The following CCDC12 variants were observed in gnomAD, a reference collection of about 807,000 sequenced individuals.
CCDC12 encodes the protein coiled-coil domain containing 12.
CCDC12 carries 28 observed loss-of-function variants against 25.7 expected under a neutral mutation model. That is an observed-to-expected ratio of 1.09 (90% confidence interval 0.81 to 1.50). The LOEUF is 1.50. CCDC12 is among the 40% of genes most tolerant of loss of function. The pLI is 0.00. For missense variants in CCDC12, 198 were observed against 210.0 expected (o/e 0.94, Z 0.35); for synonymous variants, 75 against 87.7 (o/e 0.86, Z 0.81).
chr3:46,976,192 T>C lies in CCDC12; in HGVS notation c.96+445A>G, dbSNP rs1390127893. On this transcript the variant is annotated intron_variant, in intron 1 of 6. Transcript: ENST00000683445. Reference sequence around the variant, plus strand: ...ACGACTCCGGCTGTATACCCACTGCTGTCACTTGCTGCCCTGTCCAAGGAG... The same window carrying C: ...ACGACTCCGGCTGTATACCCACTGCCGTCACTTGCTGCCCTGTCCAAGGAG... 5 of 453,098 alleles carry C rather than the reference T, an allele frequency of 1.1e-5. No homozygotes were observed. The East Asian group carries it at 5.7e-4, about 51-fold the overall frequency. 28.1% of individuals were successfully genotyped at this position (453,098 alleles called of 1,614,324 possible).
At chr3:46,937,222 G>C (rs1323626818) in intron 2 of CCDC12, among the ~76,000 whole-genome samples, 1 of 152,162 alleles carries the variant, frequency 6.6e-6, no homozygotes, top group Non-Finnish European at 1.5e-5. Flanking sequence ...CCCAACAAGA[G>C]GCTATACCAC....
chr3:46,959,510 G>A (rs895095956), intron 1 of CCDC12, among the ~76,000 whole-genome samples: 2 of 152,154 alleles, frequency 1.3e-5, no homozygotes, highest in African/African-American at 2.4e-5. Flanking sequence ...CTCTCATCCC[G>A]TGACAAAGGG....
At chr3:46,946,917 G>C (rs971250853) in intron 1 of CCDC12, among the ~76,000 whole-genome samples, 1 of 152,144 alleles carries the variant, frequency 6.6e-6, no homozygotes, top group Admixed American at 6.6e-5. Flanking sequence ...CTGCTGACTA[G>C]AGCTCTCCCT....
chr3:46,976,429 G>A (rs1183088308), intron 1 of CCDC12: 4 of 1,414,128 alleles, frequency 2.8e-6, no homozygotes, highest in South Asian at 1.5e-5. Flanking sequence ...CCGCGCATGC[G>A]CGACGACCGC....
chr3:46,931,222 T>C (rs1359607337), intron 2 of CCDC12, among the ~76,000 whole-genome samples: 2 of 152,166 alleles, frequency 1.3e-5, no homozygotes, highest in Non-Finnish European at 1.5e-5. Context: ...TAGCTGACCT[T>C]TTCTATTTAC....
chr3:46,946,990 G>GAT (rs2033933084), intron 1 of CCDC12, among the ~76,000 whole-genome samples: 2 of 152,108 alleles, frequency 1.3e-5, no homozygotes, highest in African/African-American at 4.8e-5. Flanking sequence ...TCTCATCTAG[G>GAT]GTCTTCCCAC....
intron 1 of CCDC12, among the ~76,000 whole-genome samples, chr3:46,958,999 C>G (rs2034384050): frequency 6.6e-6 from 1 of 152,206 alleles, no homozygotes; most frequent in African/African-American, 2.4e-5. Context: ...AGACTAGAAG[C>G]TATTTTAACC....
At chr3:46,973,307 C>T (rs1427875259) in intron 1 of CCDC12, among the ~76,000 whole-genome samples, 2 of 146,972 alleles carry the variant, frequency 1.4e-5, no homozygotes, top group South Asian at 2.2e-4. Context: ...GAGCTGAGAT[C>T]GTGCCATCGC....
chr3:46,952,600 A>G (rs1466171308), intron 1 of CCDC12, among the ~76,000 whole-genome samples: 1 of 152,150 alleles, frequency 6.6e-6, no homozygotes, highest in Non-Finnish European at 1.5e-5. Context: ...GTTCCATAAA[A>G]TTGGAAGATT....
chr3:46,962,133 G>A (rs1023253612), intron 1 of CCDC12, among the ~76,000 whole-genome samples: 2 of 152,006 alleles, frequency 1.3e-5, no homozygotes, highest in Admixed American at 6.6e-5. Flanking sequence ...ACTACTATTC[G>A]CCAAAGAATT....
At chr3:46,940,060 C>T (rs2033637259) in intron 2 of CCDC12, among the ~76,000 whole-genome samples, 2 of 152,182 alleles carry the variant, frequency 1.3e-5, no homozygotes, top group South Asian at 4.1e-4. Flanking sequence ...ACAGTCTGGC[C>T]CCAGGAAGAG....
intron 2 of CCDC12, among the ~76,000 whole-genome samples, chr3:46,928,120 A>T (rs543715966): frequency 6.6e-6 from 1 of 152,324 alleles, no homozygotes. Context: ...ATGGTGCCAC[A>T]TGCCTGTAAT....
chr3:46,963,647 C>T (rs979763827), intron 1 of CCDC12, among the ~76,000 whole-genome samples: 9 of 151,952 alleles, frequency 5.9e-5, no homozygotes, highest in Non-Finnish European at 4.4e-5. Context: ...TGGTGGAGAC[C>T]GGGTTTCGCT....
intron 1 of CCDC12, among the ~76,000 whole-genome samples, chr3:46,956,623 A>AC (rs2034294516): frequency 6.6e-6 from 1 of 152,146 alleles, no homozygotes; most frequent in South Asian, 2.1e-4. Context: ...GGAGTTCAAG[A>AC]CCAGTCTGGG....
At chr3:46,952,520 G>C (rs187641319) in intron 1 of CCDC12, among the ~76,000 whole-genome samples, 14 of 152,246 alleles carry the variant, frequency 9.2e-5, no homozygotes, top group African/African-American at 2.9e-4. Flanking sequence ...CTGCACCTCT[G>C]CTTCTCTCCT....
At chr3:46,943,182 A>T (rs570680282) in intron 1 of CCDC12, among the ~76,000 whole-genome samples, 1 of 152,288 alleles carries the variant, frequency 6.6e-6, no homozygotes, top group African/African-American at 2.4e-5. Context: ...TGCTTCACTG[A>T]GAAACAAGTC....
At chr3:46,978,627 T>C (rs1286058970), upstream of CCDC12, among the ~76,000 whole-genome samples, 1 of 151,094 alleles carries the variant, frequency 6.6e-6, no homozygotes, top group Non-Finnish European at 1.5e-5. Context: ...CAAGCCTGGG[T>C]CCCTGCCCCT....
chr3:46,968,325 G>A (rs1240228577), intron 1 of CCDC12, among the ~76,000 whole-genome samples: 1 of 138,514 alleles, frequency 7.2e-6, no homozygotes, highest in Non-Finnish European at 1.6e-5. Flanking sequence ...CCAGGGTGCA[G>A]GAGAAGGACC....
At chr3:46,941,554 G>A (rs1395682142) in intron 1 of CCDC12, among the ~76,000 whole-genome samples, 15 of 117,718 alleles carry the variant, frequency 1.3e-4, no homozygotes, top group African/African-American at 4.1e-4. Context: ...GACAGAGCGA[G>A]ACTCCATCTC....
Sources: allele counts gnomAD v4.1 joint callset (sites outside exome capture counted in the v4.1 genomes callset), GRCh38; gene constraint gnomAD v4.1.1; transcripts MANE v1.5; gene names NCBI Gene and HGNC (gene_info 2026-07-23, HGNC 2026-07-21).